C8orf34: variants seen among roughly 807,000 people sequenced by gnomAD.
C8orf34 encodes chromosome 8 open reading frame 34.
C8orf34 carries 65 observed loss-of-function variants against 68.3 expected under a neutral mutation model. The ratio of observed to expected loss-of-function variants is 0.95; its 90% CI spans 0.78 to 1.17. The LOEUF is 1.17. Ranked by LOEUF, C8orf34 falls within the 50% of genes most tolerant of loss-of-function variation. The pLI, the probability that C8orf34 is intolerant of heterozygous loss-of-function variation, is 0.00. For missense variants in C8orf34, 664 were observed against 655.4 expected, an observed-to-expected ratio of 1.01 and a Z score of -0.14; for synonymous variants, 244 against 241.2, an observed-to-expected ratio of 1.01 and a Z score of -0.11.
At chr8:68,737,060 T>C (rs944917010) in intron 10 of C8orf34, among the ~76,000 whole-genome samples, 1 of 152,120 alleles carries the variant, frequency 6.6e-6, no homozygotes, top group Non-Finnish European at 1.5e-5. Context: ...TCAGTACAAC[T>C]ATAAGTAATA....
At chr8:68,599,785 T>G (rs1233777219) in intron 7 of C8orf34, among the ~76,000 whole-genome samples, 3 of 151,958 alleles carry the variant, frequency 2.0e-5, no homozygotes, top group Admixed American at 6.6e-5. Flanking sequence ...ACTGGAAAGT[T>G]GAAAATCATC....
chr8:68,616,794 T>C (rs1818231366), intron 7 of C8orf34, among the ~76,000 whole-genome samples: 1 of 152,144 alleles, frequency 6.6e-6, no homozygotes, highest in Admixed American at 6.5e-5. Context: ...GTTCTGTAGA[T>C]GTCTATTAGG....
chr8:68,418,613 G>A (rs1302466059), intron 1 of C8orf34, among the ~76,000 whole-genome samples: 2 of 152,090 alleles, frequency 1.3e-5, no homozygotes, highest in African/African-American at 4.8e-5. Context: ...AAACAGCATG[G>A]TACTGGTACC....
chr8:68,509,876 G>A (rs894106703), intron 5 of C8orf34, among the ~76,000 whole-genome samples: 6 of 152,052 alleles, frequency 3.9e-5, no homozygotes, highest in Non-Finnish European at 8.8e-5. Context: ...TGAAGCAGGG[G>A]GCCAAAGGGG....
intron 7 of C8orf34, among the ~76,000 whole-genome samples, chr8:68,638,302 T>C (rs2130726008): frequency 6.7e-6 from 1 of 148,212 alleles, no homozygotes; most frequent in African/African-American, 2.5e-5. Context: ...TGAGTAAAGC[T>C]AGAACTTTTT....
At chr8:68,466,548 A>G (rs1812144063) in intron 3 of C8orf34, among the ~76,000 whole-genome samples, 2 of 151,746 alleles carry the variant, frequency 1.3e-5, no homozygotes, top group African/African-American at 4.8e-5. Context: ...CCATGGAAGT[A>G]TCTTTATGGT....
intron 10 of C8orf34, among the ~76,000 whole-genome samples, chr8:68,743,627 GCA>G (rs1822374050): frequency 1.3e-5 from 2 of 152,214 alleles, no homozygotes; most frequent in African/African-American, 4.8e-5. Context: ...GTGACAGATG[GCA>G]CCTGAAAAAT....
At chr8:68,499,344 A>G (rs1185714265) in intron 5 of C8orf34, among the ~76,000 whole-genome samples, 1 of 152,218 alleles carries the variant, frequency 6.6e-6, no homozygotes, top group Non-Finnish European at 1.5e-5. Context: ...ACTTGTCAAA[A>G]GGACACAGGG....
chr8:68,569,976 G>T (rs1024251197), intron 7 of C8orf34, among the ~76,000 whole-genome samples: 3 of 152,176 alleles, frequency 2.0e-5, no homozygotes, highest in Admixed American at 6.5e-5. Context: ...TCTTCAGGCT[G>T]CTCTTTGATT....
At chr8:68,507,501 C>T (rs1814076098) in intron 5 of C8orf34, among the ~76,000 whole-genome samples, 1 of 152,166 alleles carries the variant, frequency 6.6e-6, no homozygotes, top group Admixed American at 6.5e-5. Flanking sequence ...TCTTTTTACC[C>T]AGGAGTGTGG....
chr8:68,420,479 C>A (rs1040992575), intron 1 of C8orf34, among the ~76,000 whole-genome samples: 2 of 151,960 alleles, frequency 1.3e-5, no homozygotes, highest in African/African-American at 4.8e-5. Flanking sequence ...AAGGTAGCAT[C>A]CTCCTAGGCC....
At chr8:68,789,417 A>T (rs1823930998) in intron 12 of C8orf34, among the ~76,000 whole-genome samples, 1 of 152,256 alleles carries the variant, frequency 6.6e-6, no homozygotes, top group Non-Finnish European at 1.5e-5. Flanking sequence ...TTTCAAATTT[A>T]GTCTTCTTTT....
intron 1 of C8orf34, among the ~76,000 whole-genome samples, chr8:68,406,741 C>T (rs1029971833): frequency 6.6e-6 from 1 of 152,132 alleles, no homozygotes; most frequent in Admixed American, 6.6e-5. Context: ...GTGACCCACT[C>T]ACCTCGGCCT....
chr8:68,815,819 G>A (rs921274761), intron 12 of C8orf34, 67 bp from the exon 13 acceptor site: 26 of 1,612,606 alleles, frequency 1.6e-5, no homozygotes, highest in Non-Finnish European at 2.1e-5. Context: ...TAAAGCGCTA[G>A]GGAATGGTAT....
intron 1 of C8orf34, among the ~76,000 whole-genome samples, chr8:68,401,516 C>A (rs763268117): frequency 6.6e-6 from 1 of 152,048 alleles, no homozygotes; most frequent in Non-Finnish European, 1.5e-5. Context: ...TTGGGTTTCT[C>A]ATATATGGCC....
intron 8 of C8orf34, among the ~76,000 whole-genome samples, chr8:68,659,181 C>A (rs1819597587): frequency 6.6e-6 from 1 of 152,040 alleles, no homozygotes; most frequent in East Asian, 1.9e-4. Flanking sequence ...CAGCAGATAG[C>A]TTGCTTGGGT....
chr8:68,337,228 A>G (rs1327207651), intron 1 of C8orf34, among the ~76,000 whole-genome samples: 1 of 152,220 alleles, frequency 6.6e-6, no homozygotes, highest in Non-Finnish European at 1.5e-5. Context: ...ACTTTACAGT[A>G]AAGAAACCTG....
intron 1 of C8orf34, among the ~76,000 whole-genome samples, chr8:68,426,954 A>C (rs1270113470): frequency 6.6e-6 from 1 of 152,204 alleles, no homozygotes; most frequent in African/African-American, 2.4e-5. Context: ...TTACTGAAGA[A>C]GATTTATAGA....
At chr8:68,564,154 T>C (rs187694530) in intron 7 of C8orf34, among the ~76,000 whole-genome samples, 1 of 152,324 alleles carries the variant, frequency 6.6e-6, no homozygotes, top group East Asian at 1.9e-4. Context: ...AAAAATGCCA[T>C]ATACCTCTTT....
Sources: allele counts gnomAD v4.1 joint callset (sites outside exome capture counted in the v4.1 genomes callset), GRCh38; gene constraint gnomAD v4.1.1; transcripts MANE v1.5; gene names NCBI Gene and HGNC (gene_info 2026-07-23, HGNC 2026-07-21).